MYO6: variants seen among roughly 807,000 people sequenced by gnomAD.
MYO6 encodes myosin VI, also known as unconventional myosin-VI.
A neutral mutation model predicts 178.7 loss-of-function variants in MYO6; 74 were observed. That is an observed-to-expected ratio of 0.41 (90% confidence interval 0.34 to 0.50). MYO6 has a LOEUF of 0.50. MYO6 is among the 20% of genes least tolerant of loss of function. The probability of loss-of-function intolerance (pLI) is 0.09; values close to 1 mark genes in which losing one functional copy is unlikely to be tolerated. For missense variants in MYO6, 1,330 were observed against 1,547.4 expected, an observed-to-expected ratio of 0.86 and a Z score of 2.36; for synonymous variants, 477 against 504.6, an observed-to-expected ratio of 0.95 and a Z score of 0.73.
intron 1 of MYO6, among the ~76,000 whole-genome samples, chr6:75,755,085 T>C (rs1014673923): frequency 2.0e-5 from 3 of 152,010 alleles, no homozygotes; most frequent in African/African-American, 7.3e-5. Flanking sequence ...ATACAAAAAT[T>C]AGCTGGGTGT....
In MYO6 at chr6:75,852,121, T is replaced by A. The variant is rs184241749; in HGVS notation, c.1079-3018T>A. Among the ~76,000 whole-genome samples the A allele has an allele frequency of 2.5e-3, 379 of 151,416 alleles. 1 individual carries two copies. The highest frequency in any genetic ancestry group is 4.9e-3 in the Non-Finnish European group (331 of 67,736). The stretch of plus-strand genomic sequence containing the variant: ...TATTAAAAATCCTGTTTTTTTTTTT[T>A]ATCTTAGCCTTACATAATTTTTGGA... On this transcript the variant is annotated intron_variant, in intron 11 of 34. Coordinates refer to ENST00000369977, the MANE Select transcript of MYO6 (RefSeq NM_004999.4).
At chr6:75,793,334 G>C (rs1183278780) in intron 1 of MYO6, among the ~76,000 whole-genome samples, 1 of 152,168 alleles carries the variant, frequency 6.6e-6, no homozygotes. Context: ...GCTGAGTGTG[G>C]TGGCTCACGC....
At position 75,827,345 on chromosome 6, in the gene MYO6, C is replaced by T. The variant is rs925289190; in HGVS notation, c.188-1195C>T. Among the ~76,000 whole-genome samples the T allele has an allele frequency of 3.3e-5, 5 of 151,916 alleles. No homozygotes were observed. In the East Asian group the frequency reaches 5.8e-4, roughly 18 times the overall value. ...TGTAGAGGATATTCTACATGGAAGC[C>T]GATAGATGAATGATACCTGCATCTA... On this transcript the variant is annotated intron_variant, in intron 3 of 34. Coordinates refer to ENST00000369977, the MANE Select transcript of MYO6 (RefSeq NM_004999.4).
intron 18 of MYO6, 46 bp downstream of exon 18, chr6:75,867,151 T>C (rs1776769160): frequency 1.4e-6 from 2 of 1,413,160 alleles, no homozygotes; most frequent in East Asian, 2.5e-5. Context: ...TAAAATGAAA[T>C]TATTGTTTTA....
chr6:75,889,738 A>T (rs1371960369), intron 25 of MYO6, among the ~76,000 whole-genome samples: 1 of 152,150 alleles, frequency 6.6e-6, no homozygotes, highest in African/African-American at 2.4e-5. Context: ...ACTGCAGTAT[A>T]TTACCTTATC....
chr6:75,888,385 C>A (rs960279821), intron 25 of MYO6, among the ~76,000 whole-genome samples: 1 of 152,018 alleles, frequency 6.6e-6, no homozygotes, highest in Non-Finnish European at 1.5e-5. Context: ...GAGGCCCAGG[C>A]GCAGGGATCA....
chr6:75,806,991 A>T (rs1029190601), intron 1 of MYO6, among the ~76,000 whole-genome samples: 1 of 152,162 alleles, frequency 6.6e-6, no homozygotes, highest in Non-Finnish European at 1.5e-5. Context: ...CAGCACAGAT[A>T]AAAAACTGAA....
chr6:75,912,786 A>G (rs1780858591), intron 33 of MYO6, among the ~76,000 whole-genome samples: 1 of 152,134 alleles, frequency 6.6e-6, no homozygotes, highest in Non-Finnish European at 1.5e-5. Context: ...GCTCTGGGAA[A>G]ACAGGAGCAA....
intron 1 of MYO6, among the ~76,000 whole-genome samples, chr6:75,757,072 AG>A (rs1310767900): frequency 6.9e-6 from 1 of 144,166 alleles, no homozygotes; most frequent in African/African-American, 2.6e-5. Context: ...ACACATATAT[AG>A]TGTGTATATA....
At position 75,845,403 on chromosome 6, in the gene MYO6, T is replaced by C. The variant is rs925061077; in HGVS notation, c.897+426T>C. On this transcript the variant is annotated intron_variant, in intron 10 of 34. Coordinates refer to ENST00000369977, the MANE Select transcript of MYO6 (RefSeq NM_004999.4). The stretch of plus-strand genomic sequence containing the variant: ...TAGATTAAGCGTTCTTGGGAAGAAA[T>C]GCTTATAGGCTAGGCGTGGTGGCTC... Among the ~76,000 whole-genome samples, 3 of 152,126 alleles carry C rather than the reference T, an allele frequency of 2.0e-5. No individual in the cohort carries two copies. The East Asian group carries it at 5.8e-4, about 29-fold the overall frequency.
intron 30 of MYO6, among the ~76,000 whole-genome samples, chr6:75,903,428 T>G (rs917796818): frequency 6.6e-6 from 1 of 151,262 alleles, no homozygotes; most frequent in African/African-American, 2.4e-5. Context: ...GGTGCATATA[T>G]ATTTAGGATA....
intron 28 of MYO6, chr6:75,894,954 T>TAA: frequency 1.3e-6 from 1 of 757,998 alleles, no homozygotes; most frequent in East Asian, 2.9e-5. Flanking sequence ...TGTAAAATAA[T>TAA]ATCCAGATTC....
At chr6:75,897,545 A>G (rs1779402208) in intron 29 of MYO6, among the ~76,000 whole-genome samples, 1 of 152,158 alleles carries the variant, frequency 6.6e-6, no homozygotes, top group Admixed American at 6.5e-5. Context: ...GCATTCAGGA[A>G]ATTGCACCTG....
intron 25 of MYO6, among the ~76,000 whole-genome samples, chr6:75,888,065 G>A (rs578147445): frequency 2.0e-5 from 3 of 151,986 alleles, no homozygotes; most frequent in African/African-American, 4.8e-5. Context: ...CGAGGTGGGC[G>A]GATTATTTGA....
chr6:75,879,419 ATTTTTTTTTTT>A (rs34598660), intron 20 of MYO6, among the ~76,000 whole-genome samples: 1 of 126,402 alleles, frequency 7.9e-6, no homozygotes, highest in Admixed American at 8.1e-5. Context: ...TGATTTCTCT[ATTTTTTTTTTT>A]TTTTTTTGTA....
intron 9 of MYO6, among the ~76,000 whole-genome samples, chr6:75,842,202 G>GCACACA (rs375234110): frequency 3.0e-4 from 45 of 148,976 alleles, no homozygotes; most frequent in African/African-American, 8.3e-4. Flanking sequence ...ACACACACAT[G>GCACACA]CACACACACA....
At chr6:75,901,912 T>C (rs985630116) in intron 30 of MYO6, among the ~76,000 whole-genome samples, 57 of 152,262 alleles carry the variant, frequency 3.7e-4, no homozygotes, top group African/African-American at 1.3e-3. Flanking sequence ...AATACCTAAT[T>C]TATTGAGAGT....
chr6:75,826,170 A>C (rs1772447724), intron 3 of MYO6, among the ~76,000 whole-genome samples: 2 of 152,120 alleles, frequency 1.3e-5, no homozygotes, highest in African/African-American at 4.8e-5. Context: ...GGCAGTTGGG[A>C]CTTAGCATTT....
Position 75,885,884 on chromosome 6 carries a change from T to C in MYO6, c.2417-120T>C, listed in dbSNP as rs1375473424. 7.3e-6 allele frequency: 5 copies of C among 684,246 alleles called. No individual in the cohort carries two copies. The East Asian group carries it at 1.4e-4, about 19-fold the overall frequency. 42.4% of individuals were successfully genotyped at this position (684,246 alleles called of 1,614,324 possible). On this transcript the variant is annotated intron_variant, in intron 23 of 34. Coordinates refer to ENST00000369977, the MANE Select transcript of MYO6 (RefSeq NM_004999.4). ...TTTGTTTTTGATGTCTGATATATAATAATATGGTCGTCAAGATTTCATGTT... is the reference window on the plus strand; with the variant it reads ...TTTGTTTTTGATGTCTGATATATAACAATATGGTCGTCAAGATTTCATGTT...
Sources: allele counts gnomAD v4.1 joint callset (sites outside exome capture counted in the v4.1 genomes callset), GRCh38; gene constraint gnomAD v4.1.1; transcripts MANE v1.5; gene names NCBI Gene and HGNC (gene_info 2026-07-23, HGNC 2026-07-21).